The following PAG1 variants were observed in gnomAD, a reference collection of about 807,000 sequenced individuals.
PAG1 encodes phosphoprotein membrane anchor with glycosphingolipid microdomains 1, also known as phosphoprotein associated with glycosphingolipid-enriched microdomains 1.
PAG1 carries 23 observed loss-of-function variants against 31.7 expected under a neutral mutation model. The observed-to-expected ratio is 0.73, with a 90% CI of 0.52 to 1.03. PAG1 has a LOEUF of 1.03. PAG1 is among the 50% of genes least tolerant of loss of function. PAG1 has a pLI of 0.00. For synonymous variants in PAG1, 214 were observed against 210.3 expected, an observed-to-expected ratio of 1.02 and a Z score of -0.15; for missense variants, 473 against 540.7, an observed-to-expected ratio of 0.87 and a Z score of 1.24.
intron 1 of PAG1, among the ~76,000 whole-genome samples, chr8:81,098,559 C>G (rs1269686736): frequency 6.6e-6 from 1 of 152,194 alleles, no homozygotes; most frequent in Non-Finnish European, 1.5e-5. Context: ...GGGATGGCAG[C>G]TGCCATTGCT....
At chr8:81,073,704 A>T (rs1809130349) in intron 1 of PAG1, among the ~76,000 whole-genome samples, 1 of 152,220 alleles carries the variant, frequency 6.6e-6, no homozygotes, top group Non-Finnish European at 1.5e-5. Context: ...ATATTGACCA[A>T]GATGAAATTC....
At chr8:81,084,246 G>A (rs1809316042) in intron 1 of PAG1, among the ~76,000 whole-genome samples, 1 of 152,118 alleles carries the variant, frequency 6.6e-6, no homozygotes, top group Admixed American at 6.5e-5. Flanking sequence ...GGAAAAGTAT[G>A]TCTACTCCAT....
intron 5 of PAG1, among the ~76,000 whole-genome samples, chr8:80,989,723 C>T (rs924064535): frequency 9.2e-5 from 14 of 152,140 alleles, no homozygotes; most frequent in African/African-American, 3.4e-4. Context: ...GGAACCCAAG[C>T]TCTAGGCCAG....
intron 1 of PAG1, among the ~76,000 whole-genome samples, chr8:81,107,616 A>C (rs1292337892): frequency 6.6e-6 from 1 of 152,204 alleles, no homozygotes; most frequent in Non-Finnish European, 1.5e-5. Flanking sequence ...GTGAGGATGA[A>C]GGGCAGTTCT....
In PAG1 at chr8:80,969,152, C is replaced by T. The variant is rs1807024253; in HGVS notation, c.*7392G>A. 3 of 152,178 alleles carry T rather than the reference C, an allele frequency of 2.0e-5. No homozygotes were observed. The highest frequency in any genetic ancestry group is 2.1e-4 in the South Asian group (1 of 4,828). 9.4% of individuals were successfully genotyped at this position (152,178 alleles called of 1,614,324 possible). A position where few individuals can be genotyped will look rare whatever the true frequency, so the allele number is the denominator to read the frequency against. On this transcript the variant is annotated 3_prime_UTR_variant, in exon 9 of 9. Transcript: ENST00000220597. ...CTGCAGGCATGGCCATCTTCCAGGA[C>T]ATGGGCGGGTAGTGGCACATAGGAA...
intron 4 of PAG1, 85 bp from the exon 5 acceptor site, chr8:80,991,615 T>C (rs1807550245): frequency 2.2e-6 from 2 of 904,986 alleles, no homozygotes; most frequent in South Asian, 2.7e-5. Context: ...CCAATTCTTA[T>C]CAGCTTTTAA....
intron 2 of PAG1, among the ~76,000 whole-genome samples, chr8:81,050,828 T>G (rs900846658): frequency 2.0e-5 from 3 of 152,304 alleles, no homozygotes; most frequent in South Asian, 2.1e-4. Flanking sequence ...CTGCATGAGC[T>G]GGCAGAAGCC....
intron 1 of PAG1, among the ~76,000 whole-genome samples, chr8:81,096,312 T>C (rs1323753018): frequency 1.4e-5 from 2 of 147,766 alleles, no homozygotes; most frequent in African/African-American, 5.3e-5. Context: ...ACATGCATTC[T>C]GACCCCCAGA....
chr8:81,019,667 G>A (rs887911591), intron 3 of PAG1, among the ~76,000 whole-genome samples: 9 of 152,260 alleles, frequency 5.9e-5, no homozygotes, highest in African/African-American at 2.2e-4. Flanking sequence ...ATGCCTGGAT[G>A]TCTAGGCAGA....
rs1408866784 is a variant in PAG1 at position 80,974,839 on chromosome 8, T to C, written c.*1705A>G. 2 of 152,246 alleles carry C rather than the reference T, an allele frequency of 1.3e-5. No homozygotes were observed. The highest frequency in any genetic ancestry group is 2.9e-5 in the Non-Finnish European group (2 of 68,038). The allele number at this position is 152,246 out of a possible 1,614,324, so 9.4% of individuals were successfully genotyped here. Reference sequence around the variant, plus strand: ...GTCTTTCCATAGCCCACACTCATAATAGCACTTCAACTAGGCTCCTTTGAA... The same window carrying C: ...GTCTTTCCATAGCCCACACTCATAACAGCACTTCAACTAGGCTCCTTTGAA... On this transcript the variant is annotated 3_prime_UTR_variant, in exon 9 of 9. Coordinates refer to ENST00000220597, the MANE Select transcript of PAG1 (RefSeq NM_018440.4).
chr8:81,101,685 T>C (rs1019735562), intron 1 of PAG1, among the ~76,000 whole-genome samples: 25 of 152,300 alleles, frequency 1.6e-4, no homozygotes, highest in African/African-American at 5.5e-4. Flanking sequence ...GTATTAAGCA[T>C]GTAATTCCTA....
At chr8:81,094,215 T>C (rs954330771) in intron 1 of PAG1, among the ~76,000 whole-genome samples, 3 of 152,226 alleles carry the variant, frequency 2.0e-5, no homozygotes, top group Non-Finnish European at 4.4e-5. Flanking sequence ...AAACTTATTA[T>C]GATATTAAGT....
chr8:81,003,791 T>TTGCTCC (rs1392023043), intron 3 of PAG1, among the ~76,000 whole-genome samples: 2 of 151,758 alleles, frequency 1.3e-5, no homozygotes, highest in Non-Finnish European at 3.0e-5. Flanking sequence ...AAGGAGAATG[T>TTGCTCC]TGCTCCAGCA....
At chr8:81,039,288 A>G (rs2705496) in intron 2 of PAG1, 120,935 of 152,182 alleles carry the variant, frequency 0.79, 48,722 homozygotes, top group Non-Finnish European at 0.87. Flanking sequence ...CAGATATACC[A>G]TAAGTAGTTA....
At chr8:81,041,239 A>G (rs1382100837) in intron 2 of PAG1, among the ~76,000 whole-genome samples, 1 of 152,092 alleles carries the variant, frequency 6.6e-6, no homozygotes, top group Non-Finnish European at 1.5e-5. Flanking sequence ...CATGGTAACT[A>G]TCCTTTAGTT....
intron 2 of PAG1, chr8:81,067,850 G>A (rs576418525): frequency 6.6e-6 from 1 of 152,302 alleles, no homozygotes; most frequent in South Asian, 2.1e-4. Context: ...TGTTAACTCT[G>A]GCCTCTCAAG....
At chr8:81,107,371 A>G (rs1242429852) in intron 1 of PAG1, among the ~76,000 whole-genome samples, 2 of 152,262 alleles carry the variant, frequency 1.3e-5, no homozygotes, top group Admixed American at 6.5e-5. Context: ...AATATAGTCC[A>G]TCTATATTAT....
chr8:81,051,424 C>T (rs538835200), intron 2 of PAG1, among the ~76,000 whole-genome samples: 4 of 152,174 alleles, frequency 2.6e-5, no homozygotes, highest in Non-Finnish European at 1.5e-5. Flanking sequence ...AAATCTAAAT[C>T]TTCTGTTCAT....
At chr8:81,045,108 C>T (rs1563641250) in intron 2 of PAG1, among the ~76,000 whole-genome samples, 1 of 152,148 alleles carries the variant, frequency 6.6e-6, no homozygotes, top group African/African-American at 2.4e-5. Context: ...AGTGGGATTT[C>T]GCTGGGTGAA....
Sources: allele counts gnomAD v4.1 joint callset (sites outside exome capture counted in the v4.1 genomes callset), GRCh38; gene constraint gnomAD v4.1.1; transcripts MANE v1.5; gene names NCBI Gene and HGNC (gene_info 2026-07-23, HGNC 2026-07-21).